The following INTU variants were observed in gnomAD, a reference collection of about 807,000 sequenced individuals.
INTU encodes the protein inturned planar cell polarity protein, also known as protein inturned.
INTU carries 68 observed loss-of-function variants against 100.5 expected under a neutral mutation model. The ratio of observed to expected loss-of-function variants is 0.68; its 90% CI spans 0.56 to 0.83. The LOEUF is 0.83. Ranked by LOEUF, INTU falls within the 40% of genes least tolerant of loss-of-function variation. INTU has a pLI of 0.00. For synonymous variants in INTU, 357 were observed against 395.7 expected (o/e 0.90, Z 1.16); for missense variants, 1,071 against 1,114.7 (o/e 0.96, Z 0.56).
intron 1 of INTU, among the ~76,000 whole-genome samples, chr4:127,640,498 C>T (rs1269076924): frequency 1.5e-5 from 2 of 130,320 alleles, no homozygotes; most frequent in East Asian, 2.7e-4. Flanking sequence ...TCCCACACAT[C>T]GCTAGTGAAA....
chr4:127,672,102 C>T (rs1728957977), intron 5 of INTU, among the ~76,000 whole-genome samples: 1 of 152,148 alleles, frequency 6.6e-6, no homozygotes, highest in African/African-American at 2.4e-5. Flanking sequence ...CACCATGCAA[C>T]ATCCATCTAT....
intron 2 of INTU, among the ~76,000 whole-genome samples, chr4:127,655,220 G>A (rs1396402906): frequency 6.6e-6 from 1 of 152,006 alleles, no homozygotes; most frequent in Admixed American, 6.6e-5. Context: ...TCTTCTCTCA[G>A]CTCGTCAAAG....
At chr4:127,711,978 G>A (rs896919582) in intron 14 of INTU, among the ~76,000 whole-genome samples, 3 of 152,110 alleles carry the variant, frequency 2.0e-5, no homozygotes, top group Non-Finnish European at 4.4e-5. Flanking sequence ...TTATTTAAAT[G>A]GCAGGAAAAG....
rs1050182842 is a variant in INTU at position 127,723,669 on chromosome 4, T to G, written c.*7233T>G. ...CAACTTTATTTTTTTTTGTTTGTTT[T>G]TGTTAAAATACATTCAGCGGCTGGG... is the stretch of plus-strand genomic sequence containing the variant. On this transcript the variant is annotated 3_prime_UTR_variant, in exon 16 of 16. Transcript: ENST00000335251. 1 of 152,138 alleles carries G rather than the reference T, an allele frequency of 6.6e-6. No homozygotes were observed. Among genetic ancestry groups the G allele is most frequent in the African/African-American group, 2.4e-5 (1 of 41,398 alleles). The allele number at this position is 152,138 out of a possible 1,614,324, so 9.4% of individuals were successfully genotyped here.
intron 8 of INTU, among the ~76,000 whole-genome samples, chr4:127,695,002 C>G (rs1013589367): frequency 1.9e-4 from 29 of 152,120 alleles, no homozygotes; most frequent in African/African-American, 6.3e-4. Context: ...TTTTGCTTCT[C>G]CATATAAACT....
chr4:127,710,562 A>G (rs1731056190), intron 13 of INTU, among the ~76,000 whole-genome samples: 1 of 152,180 alleles, frequency 6.6e-6, no homozygotes, highest in African/African-American at 2.4e-5. Flanking sequence ...TATCTGGGCC[A>G]GACACGAGCT....
intron 1 of INTU, among the ~76,000 whole-genome samples, chr4:127,636,774 C>A (rs1727093638): frequency 6.6e-6 from 1 of 152,104 alleles, no homozygotes; most frequent in Non-Finnish European, 1.5e-5. Flanking sequence ...TGGGAACATA[C>A]TAGTTGTGAA....
rs1731307834 is a variant in INTU at position 127,718,965 on chromosome 4, A to G, written c.*2529A>G. On this transcript the variant is annotated 3_prime_UTR_variant, in exon 16 of 16. Transcript: ENST00000335251. ...TTTGACTTCCTCTCTTCTTCTTTGAATACCCTTTATTTCTTTCTCTTGCCT... is the reference window on the plus strand; with the variant it reads ...TTTGACTTCCTCTCTTCTTCTTTGAGTACCCTTTATTTCTTTCTCTTGCCT... 6.6e-6 allele frequency: 1 copy of G among 152,170 alleles called. No homozygotes were observed. The highest frequency in any genetic ancestry group is 1.5e-5 in the Non-Finnish European group (1 of 68,038). 9.4% of individuals were successfully genotyped at this position (152,170 alleles called of 1,614,324 possible).
Position 127,711,081 on chromosome 4 carries a change from C to T in INTU, c.2538C>T (p.Phe846=). 5 of 1,591,498 alleles carry T rather than the reference C, an allele frequency of 3.1e-6. No homozygotes were observed. The highest frequency in any genetic ancestry group is 1.1e-5 in the South Asian group (1 of 88,096). Residue 846 remains phenylalanine, a synonymous_variant, in exon 14 of 16, where the codon TTC becomes TTT. Transcript: ENST00000335251. ...GTTGTCTTTCCATTCGTGCAGTTTT[C>T]CAACAGACATTGGTGGAAGAGGTAG... ...HQCCLSIRAV[F]QQTLVEEKKK...
chr4:127,634,174 A>C (rs541000404), intron 1 of INTU, among the ~76,000 whole-genome samples: 62 of 152,372 alleles, frequency 4.1e-4, no homozygotes, highest in South Asian at 1.7e-3. Context: ...TGTTTAATAC[A>C]TTCTTGAAGA....
chr4:127,693,866 G>A (rs1183118378), intron 8 of INTU, among the ~76,000 whole-genome samples: 1 of 151,932 alleles, frequency 6.6e-6, no homozygotes, highest in African/African-American at 2.4e-5. Flanking sequence ...TTTATGTAGT[G>A]TATCATTTAT....
chr4:127,681,048 A>G (rs1729515875), intron 6 of INTU, among the ~76,000 whole-genome samples: 1 of 151,764 alleles, frequency 6.6e-6, no homozygotes, highest in Non-Finnish European at 1.5e-5. Flanking sequence ...CTTACAAGGG[A>G]TGTGAAGGAC....
At chr4:127,680,783 A>G (rs1445567058) in intron 6 of INTU, among the ~76,000 whole-genome samples, 1 of 150,456 alleles carries the variant, frequency 6.6e-6, no homozygotes, top group Non-Finnish European at 1.5e-5. Flanking sequence ...AATAAAGGGT[A>G]TTCAATTAGG....
chr4:127,711,720 C>T (rs1407186554), intron 14 of INTU, among the ~76,000 whole-genome samples: 1 of 152,168 alleles, frequency 6.6e-6, no homozygotes, highest in Non-Finnish European at 1.5e-5. Context: ...TTATGAGAAT[C>T]TAATGCCTGA....
chr4:127,676,337 G>A (rs958526854), intron 6 of INTU, among the ~76,000 whole-genome samples: 4 of 152,116 alleles, frequency 2.6e-5, no homozygotes, highest in African/African-American at 7.2e-5. Flanking sequence ...TATAATCCTA[G>A]CACTTTGGGA....
intron 2 of INTU, among the ~76,000 whole-genome samples, chr4:127,652,923 T>G (rs1245327426): frequency 5.2e-4 from 75 of 144,550 alleles, no homozygotes; most frequent in Non-Finnish European, 9.2e-4. Flanking sequence ...TATTCAGAGA[T>G]TCAACTTCTT....
intron 1 of INTU, among the ~76,000 whole-genome samples, chr4:127,634,085 C>T (rs905894207): frequency 6.6e-6 from 1 of 152,160 alleles, no homozygotes; most frequent in Non-Finnish European, 1.5e-5. Flanking sequence ...GTAGGAGCAA[C>T]TGTTATTTGG....
At chr4:127,647,055 G>A (rs749036951) in intron 2 of INTU, among the ~76,000 whole-genome samples, 3 of 152,074 alleles carry the variant, frequency 2.0e-5, no homozygotes, top group Non-Finnish European at 2.9e-5. Context: ...CCTCTAACAA[G>A]CAAGCCTGAT....
intron 1 of INTU, among the ~76,000 whole-genome samples, chr4:127,639,930 A>G (rs1189759726): frequency 6.6e-6 from 1 of 152,160 alleles, no homozygotes; most frequent in African/African-American, 2.4e-5. Flanking sequence ...TTAACTCGGA[A>G]CTATTCCTCT....
Sources: gnomAD v4.1 joint callset for allele counts (sites outside exome capture counted in the v4.1 genomes callset) on GRCh38, gnomAD v4.1.1 for gene constraint, MANE v1.5 for transcripts, NCBI Gene and HGNC (gene_info 2026-07-23, HGNC 2026-07-21) for gene names.